GABRA3: variants seen among roughly 807,000 people sequenced by gnomAD.
The protein encoded by GABRA3 is gamma-aminobutyric acid type A receptor subunit alpha3, also known as gamma-aminobutyric acid receptor subunit alpha-3.
A neutral mutation model predicts 30.1 loss-of-function variants in GABRA3; 10 were observed. The ratio of observed to expected loss-of-function variants is 0.33; its 90% CI spans 0.20 to 0.56. The LOEUF is 0.56. Ranked by LOEUF, GABRA3 falls within the 20% of genes least tolerant of loss-of-function variation. The pLI is 0.89. For synonymous variants in GABRA3, 151 were observed against 146.8 expected (o/e 1.03, Z -0.21); for missense variants, 233 against 392.0 (o/e 0.59, Z 3.42).
At chrX:152,183,294 T>C (rs1047334314) in intron 9 of GABRA3, among the ~76,000 whole-genome samples, 24 of 110,919 alleles carry the variant, frequency 2.2e-4, no homozygotes, top group African/African-American at 7.8e-4. Flanking sequence ...TAGCAGGTGA[T>C]GTATGTCTAG....
chrX:152,364,863 C>T (rs1489404021), intron 1 of GABRA3, among the ~76,000 whole-genome samples: 3 of 111,290 alleles, frequency 2.7e-5, no homozygotes. Context: ...GCACAAACAG[C>T]CCTAAGTCAG....
At chrX:152,376,921 C>T (rs1217910617) in intron 1 of GABRA3, among the ~76,000 whole-genome samples, 4 of 111,161 alleles carry the variant, frequency 3.6e-5, no homozygotes, top group Non-Finnish European at 7.6e-5. Flanking sequence ...TTAAGAGAGA[C>T]AGGAATAACA....
intron 1 of GABRA3, among the ~76,000 whole-genome samples, chrX:152,408,433 G>A (rs914874914): frequency 3.6e-5 from 4 of 110,900 alleles, no homozygotes; most frequent in Admixed American, 9.6e-5. Flanking sequence ...TGTCAGCAGT[G>A]AACAATCTGA....
chrX:152,391,080 T>C (rs757582931), intron 1 of GABRA3, among the ~76,000 whole-genome samples: 5 of 111,755 alleles, frequency 4.5e-5, no homozygotes, highest in Non-Finnish European at 7.5e-5. Context: ...GCAGTCACAA[T>C]AGTCAGAACA....
intron 9 of GABRA3, among the ~76,000 whole-genome samples, chrX:152,184,695 A>C (rs6653441): frequency 0.3 from 32,790 of 110,299 alleles, 3,853 homozygotes; most frequent in African/African-American, 0.43. Context: ...AACCTCCATC[A>C]ATGTTCATTC....
At chrX:152,380,048 G>T (rs1028949837) in intron 1 of GABRA3, among the ~76,000 whole-genome samples, 3 of 111,312 alleles carry the variant, frequency 2.7e-5, no homozygotes, top group Non-Finnish European at 3.8e-5. Flanking sequence ...TATACATGTG[G>T]AATGATTAAA....
At chrX:152,277,374 AT>A (rs1420912275) in intron 4 of GABRA3, among the ~76,000 whole-genome samples, 1 of 111,341 alleles carries the variant, frequency 9.0e-6, no homozygotes, top group Non-Finnish European at 1.9e-5. Context: ...AATTATTACT[AT>A]AATGTCTTTT....
At chrX:152,227,021 C>T (rs953484318) in intron 5 of GABRA3, among the ~76,000 whole-genome samples, 4 of 110,767 alleles carry the variant, frequency 3.6e-5, no homozygotes, top group Non-Finnish European at 3.8e-5. Context: ...ACCCAGCCAT[C>T]CCATTACTGG....
intron 1 of GABRA3, among the ~76,000 whole-genome samples, chrX:152,368,125 A>T (rs1928705879): frequency 1.8e-5 from 2 of 111,890 alleles, no homozygotes; most frequent in Admixed American, 1.9e-4. Flanking sequence ...CCCCCTGCTC[A>T]TAATCCTCCC....
At chrX:152,278,147 T>G (rs1344628800) in intron 4 of GABRA3, among the ~76,000 whole-genome samples, 1 of 111,518 alleles carries the variant, frequency 9.0e-6, no homozygotes, top group African/African-American at 3.3e-5. Context: ...TTAGGGTACA[T>G]GTGCACAATG....
intron 5 of GABRA3, among the ~76,000 whole-genome samples, chrX:152,240,124 A>G (rs200781143): frequency 0.03 from 2,806 of 94,067 alleles, 105 homozygotes; most frequent in African/African-American, 0.085. Context: ...ATTTTGCAGC[A>G]GCTGGTACCG....
intron 5 of GABRA3, among the ~76,000 whole-genome samples, chrX:152,230,824 C>T (rs1412263816): frequency 1.7e-4 from 19 of 109,887 alleles, no homozygotes; most frequent in Non-Finnish European, 1.9e-5. Flanking sequence ...GATCATAAAT[C>T]GAAATTTAAG....
intron 1 of GABRA3, among the ~76,000 whole-genome samples, chrX:152,374,026 A>C (rs1439647741): frequency 9.0e-6 from 1 of 111,204 alleles, no homozygotes; most frequent in Non-Finnish European, 1.9e-5. Context: ...CCAGTCTATC[A>C]TTGATGGACA....
Position 152,236,403 on chromosome X carries a change from G to A in GABRA3, c.552-11558C>T, listed in dbSNP as rs55972143. ...TTAATCCAGTCTATCATTGTTGGAC[G>A]TTTGGGTTGGTTCCAAGTCTTTGCT... On this transcript the variant is annotated intron_variant, in intron 5 of 9. Coordinates refer to ENST00000370314, the MANE Select transcript of GABRA3 (RefSeq NM_000808.4). Among the ~76,000 whole-genome samples, 907 of 97,942 alleles carry A rather than the reference G, an allele frequency of 9.3e-3. 5 individuals are homozygous for A. Among genetic ancestry groups the A allele is most frequent in the Middle Eastern group, 0.04 (8 of 198 alleles). The allele number at this position is 97,942 out of a possible 115,157, so 85.1% of individuals were successfully genotyped here. A position where few individuals can be genotyped will look rare whatever the true frequency, so the allele number is the denominator to read the frequency against.
chrX:152,246,644 A>T (rs1938464899), intron 5 of GABRA3, among the ~76,000 whole-genome samples: 1 of 111,535 alleles, frequency 9.0e-6, no homozygotes, highest in African/African-American at 3.3e-5. Context: ...TGAAGTGCAC[A>T]CAGTAATTTG....
rs1245649335 is a variant in GABRA3, at chrX:152,205,718, A to G, written c.778+2283T>C. ...TTTTACTAAATCTTGTGTACATTTT[A>G]CCTGGATTATGTGCATTTAGTGACA... On this transcript the variant is annotated intron_variant, in intron 7 of 9. Coordinates refer to ENST00000370314, the MANE Select transcript of GABRA3 (RefSeq NM_000808.4). Among the ~76,000 whole-genome samples, 5 of 111,775 alleles carry G rather than the reference A, an allele frequency of 4.5e-5. No individual in the cohort carries two copies. The Admixed American group carries it at 4.8e-4, about 11-fold the overall frequency.
chrX:152,220,570 A>C (rs1937813322), intron 6 of GABRA3, among the ~76,000 whole-genome samples: 1 of 111,575 alleles, frequency 9.0e-6, no homozygotes, highest in African/African-American at 3.3e-5. Context: ...AACTATACTC[A>C]GGACTAGAGA....
At chrX:152,238,067 T>G (rs1239731886) in intron 5 of GABRA3, among the ~76,000 whole-genome samples, 2 of 107,832 alleles carry the variant, frequency 1.9e-5, no homozygotes. Context: ...CCCTGTCTTG[T>G]GCCAGTTTTC....
At chrX:152,354,991 G>C (rs1376590555) in intron 2 of GABRA3, among the ~76,000 whole-genome samples, 2 of 111,790 alleles carry the variant, frequency 1.8e-5, no homozygotes, top group Non-Finnish European at 3.8e-5. Context: ...GGCCACAGGT[G>C]ACAGTTTATT....
Sources: gnomAD v4.1 joint callset for allele counts (sites outside exome capture counted in the v4.1 genomes callset) on GRCh38, gnomAD v4.1.1 for gene constraint, MANE v1.5 for transcripts, NCBI Gene and HGNC (gene_info 2026-07-23, HGNC 2026-07-21) for gene names.